Variants in YME1L1 observed in about 807,000 individuals in gnomAD.
YME1L1 encodes ATP-dependent zinc metalloprotease YME1L1.
YME1L1 carries 39 observed loss-of-function variants against 90.4 expected under a neutral mutation model. The ratio of observed to expected loss-of-function variants is 0.43; its 90% CI spans 0.33 to 0.56. The LOEUF is 0.56. YME1L1 is among the 20% of genes least tolerant of loss of function. The probability of loss-of-function intolerance (pLI) is 0.03; values close to 1 mark genes in which losing one functional copy is unlikely to be tolerated. For missense variants in YME1L1, 617 were observed against 868.4 expected, an observed-to-expected ratio of 0.71 and a Z score of 3.64; for synonymous variants, 284 against 287.3, an observed-to-expected ratio of 0.99 and a Z score of 0.12.
In YME1L1 at chr10:27,118,744, T is replaced by C. The variant is rs537481491; in HGVS notation, c.1567+550A>G. On this transcript the variant is annotated intron_variant, in intron 14 of 18. Coordinates refer to ENST00000376016, the MANE Select transcript of YME1L1 (RefSeq NM_014263.4). ...ATAAACTTCCAGTTTAACAAGAATA[T>C]CATAATTAATGTGATTTTAAGCCAA... 5.9e-5 allele frequency among the ~76,000 whole-genome samples: 9 copies of C among 152,326 alleles called. No homozygotes were observed. The South Asian group carries it at 1.9e-3, about 32-fold the overall frequency.
In YME1L1 at chr10:27,111,958, A is replaced by G. The variant is rs747010042; in HGVS notation, c.*19T>C. ...TATTCTTGCAATAAAACCAGCAAGC[A>G]TCCATATCAAGAGAGTTATCATCTC... is the stretch of plus-strand genomic sequence containing the variant. On this transcript the variant is annotated 3_prime_UTR_variant, in exon 19 of 19. Coordinates refer to ENST00000376016, the MANE Select transcript of YME1L1 (RefSeq NM_014263.4). 31 of 1,613,734 alleles carry G rather than the reference A, an allele frequency of 1.9e-5. No homozygotes were observed. Among genetic ancestry groups the G allele is most frequent in the Non-Finnish European group, 2.3e-5 (27 of 1,179,928 alleles).
At chr10:27,149,606 G>C (rs1270786095) in intron 1 of YME1L1, among the ~76,000 whole-genome samples, 2 of 151,104 alleles carry the variant, frequency 1.3e-5, no homozygotes, top group Admixed American at 6.6e-5. Flanking sequence ...AGCTACTTGG[G>C]AGGCTGTGGT....
At chr10:27,131,698 G>A (rs868251232) in intron 8 of YME1L1, among the ~76,000 whole-genome samples, 161 bp downstream of exon 8, 2 of 152,154 alleles carry the variant, frequency 1.3e-5, no homozygotes, top group Non-Finnish European at 2.9e-5. Context: ...AGCAAGATTT[G>A]ATCCTTGGCT....
intron 14 of YME1L1, among the ~76,000 whole-genome samples, chr10:27,117,952 G>T (rs1214015151): frequency 6.6e-6 from 1 of 152,170 alleles, no homozygotes; most frequent in Non-Finnish European, 1.5e-5. Flanking sequence ...CATTTATATT[G>T]TATTAGTAAT....
At chr10:27,146,577 T>A (rs935258321) in intron 2 of YME1L1, 1 of 152,034 alleles carries the variant, frequency 6.6e-6, no homozygotes, top group Admixed American at 6.6e-5. Context: ...ATGAAAAATT[T>A]AAAAATTAGC....
At chr10:27,147,942 A>G (rs1465995790) in intron 2 of YME1L1, among the ~76,000 whole-genome samples, 1 of 152,096 alleles carries the variant, frequency 6.6e-6, no homozygotes, top group Non-Finnish European at 1.5e-5. Context: ...TTACCCTGGC[A>G]TGACATCACA....
intron 9 of YME1L1, among the ~76,000 whole-genome samples, chr10:27,125,458 G>GGAAAAAAAAAA (rs534522674): frequency 9.3e-6 from 1 of 107,696 alleles, no homozygotes. Context: ...TGTTTCATTT[G>GGAAAAAAAAAA]AAAAAAAAAA....
chr10:27,120,577 A>G (rs765136563), intron 12 of YME1L1, 30 bp from the exon 13 acceptor site: 1 of 1,561,348 alleles, frequency 6.4e-7, no homozygotes, highest in East Asian at 2.3e-5. Flanking sequence ...GGAAAATATA[A>G]ATTAAAACTA....
intron 8 of YME1L1, among the ~76,000 whole-genome samples, chr10:27,128,880 G>A (rs1228925727): frequency 6.6e-6 from 1 of 152,022 alleles, no homozygotes; most frequent in African/African-American, 2.4e-5. Flanking sequence ...CTGCACTTCA[G>A]TCTGGGTGAT....
intron 15 of YME1L1, 104 bp from the exon 16 acceptor site, chr10:27,116,449 C>T (rs2056814266): frequency 5.2e-6 from 7 of 1,343,772 alleles, no homozygotes; most frequent in Non-Finnish European, 7.1e-6. Flanking sequence ...GGTGGATCAC[C>T]TGAGGTTGGG....
chr10:27,137,302 TCAGAA>T (rs1007032827), intron 4 of YME1L1, among the ~76,000 whole-genome samples: 7 of 152,334 alleles, frequency 4.6e-5, no homozygotes, highest in African/African-American at 7.2e-5. Flanking sequence ...TGCATATTTT[TCAGAA>T]CAGAACAGTG....
chr10:27,153,190 C>T (rs1248108130), intron 1 of YME1L1: 1 of 470,760 alleles, frequency 2.1e-6, no homozygotes, highest in Admixed American at 2.3e-5. Context: ...TACTTCATAT[C>T]AATATTAAGA....
chr10:27,122,791 A>G (rs1042840980), intron 11 of YME1L1, 50 bp downstream of exon 11: 30 of 1,604,872 alleles, frequency 1.9e-5, no homozygotes, highest in Non-Finnish European at 2.5e-5. Flanking sequence ...TACGTATATC[A>G]AATGCTGGGA....
In YME1L1 at chr10:27,139,907, A is replaced by G. The variant is rs186115501; in HGVS notation, c.430+2480T>C. On this transcript the variant is annotated intron_variant, in intron 4 of 18. Transcript: ENST00000376016. Reference sequence around the variant, plus strand: ...TACTAAATTTGTTTTTGGTTTAATTAAAACTATTTCCACCTATTATTTTAA... The same window carrying G: ...TACTAAATTTGTTTTTGGTTTAATTGAAACTATTTCCACCTATTATTTTAA... 1.4e-3 allele frequency among the ~76,000 whole-genome samples: 214 copies of G among 152,324 alleles called. 3 individuals are homozygous for G. The highest frequency in any genetic ancestry group is 2.2e-4 in the Non-Finnish European group (15 of 68,026).
intron 4 of YME1L1, among the ~76,000 whole-genome samples, chr10:27,140,206 T>C (rs1030622136): frequency 2.0e-5 from 3 of 152,064 alleles, no homozygotes; most frequent in African/African-American, 7.2e-5. Context: ...GGTTTTACCA[T>C]GTTGGCCATG....
In YME1L1 at chr10:27,154,083, A is replaced by G. The variant is rs2274636; in HGVS notation, c.33+95T>C. On this transcript the variant is annotated intron_variant, in intron 1 of 18. Coordinates refer to ENST00000376016, the MANE Select transcript of YME1L1 (RefSeq NM_014263.4). The stretch of plus-strand genomic sequence containing the variant: ...GCATTGAGTACATCACTTCATTTCT[A>G]GAGTCCCTTCTGAGAAATCGCTTCC... The G allele has an allele frequency of 0.087, 127,470 of 1,459,326 alleles. 7,148 individuals are homozygous for G. The highest frequency in any genetic ancestry group is 0.28 in the East Asian group (11,152 of 40,426). 90.4% of individuals were successfully genotyped at this position (1,459,326 alleles called of 1,614,324 possible). A position where few individuals can be genotyped will look rare whatever the true frequency, so the allele number is the denominator to read the frequency against.
chr10:27,119,833 A>C (rs985713000), intron 13 of YME1L1, among the ~76,000 whole-genome samples: 69 of 149,514 alleles, frequency 4.6e-4, no homozygotes, highest in African/African-American at 1.5e-3. Context: ...AAAAAAAAAA[A>C]CACCTCACAT....
chr10:27,149,613 T>C (rs1017246997), intron 1 of YME1L1, among the ~76,000 whole-genome samples: 2 of 145,386 alleles, frequency 1.4e-5, no homozygotes, highest in East Asian at 2.0e-4. Flanking sequence ...TGGGAGGCTG[T>C]GGTAGAAGAA....
rs10829190 is a variant in YME1L1 at position 27,120,626 on chromosome 10, G to A, written c.1299-79C>T. The A allele has an allele frequency of 0.83, 947,960 of 1,136,588 alleles. 396,838 individuals are homozygous for A. The highest frequency in any genetic ancestry group is 0.98 in the East Asian group (39,830 of 40,440). The allele number at this position is 1,136,588 out of a possible 1,614,324, so 70.4% of individuals were successfully genotyped here. ...TCAACAGGACTGACACCCTAATGAC[G>A]TGACTGGGAAGCCAATGGCAGCCAG... On this transcript the variant is annotated intron_variant, in intron 12 of 18. Coordinates refer to ENST00000376016, the MANE Select transcript of YME1L1 (RefSeq NM_014263.4).
Sources: gnomAD v4.1 joint callset for allele counts (sites outside exome capture counted in the v4.1 genomes callset) on GRCh38, gnomAD v4.1.1 for gene constraint, MANE v1.5 for transcripts, NCBI Gene and HGNC (gene_info 2026-07-23, HGNC 2026-07-21) for gene names.